KCNIP4: variants seen among roughly 807,000 people sequenced by gnomAD.
KCNIP4 encodes Kv channel-interacting protein 4.
In KCNIP4, 12 loss-of-function variants were observed where a neutral mutation model predicts 34.0. That is an observed-to-expected ratio of 0.35 (90% CI 0.23 to 0.57). The LOEUF (loss-of-function observed/expected upper bound fraction) is 0.57, where lower values mean the gene tolerates loss of function less well. Among genes scored for constraint, KCNIP4 ranks in the 20% least tolerant of loss-of-function variants. The pLI, the probability that KCNIP4 is intolerant of heterozygous loss-of-function variation, is 0.83. For synonymous variants in KCNIP4, 124 were observed against 102.2 expected (o/e 1.21, Z -1.29); for missense variants, 238 against 311.7 (o/e 0.76, Z 1.78).
At chr4:21,788,550 G>C (rs1185575637) in intron 1 of KCNIP4, among the ~76,000 whole-genome samples, 1 of 145,512 alleles carries the variant, frequency 6.9e-6, no homozygotes, top group Non-Finnish European at 1.5e-5. Flanking sequence ...TCTGCCTCAG[G>C]CAGGTCACCA....
At chr4:21,522,811 A>G (rs1224466679) in intron 1 of KCNIP4, among the ~76,000 whole-genome samples, 1 of 152,168 alleles carries the variant, frequency 6.6e-6, no homozygotes, top group Non-Finnish European at 1.5e-5. Context: ...AATGGATTAA[A>G]TAAGTTGATA....
At chr4:21,420,176 A>T (rs1368275443) in intron 1 of KCNIP4, among the ~76,000 whole-genome samples, 1 of 152,216 alleles carries the variant, frequency 6.6e-6, no homozygotes, top group Non-Finnish European at 1.5e-5. Context: ...AAATATTAGC[A>T]TTACTAAGGA....
intron 1 of KCNIP4, among the ~76,000 whole-genome samples, chr4:20,921,870 A>G (rs1421544692): frequency 6.6e-6 from 1 of 152,224 alleles, no homozygotes; most frequent in African/African-American, 2.4e-5. Context: ...TATCTCTATT[A>G]TATTTGTCAT....
chr4:21,562,929 CTT>C (rs1272251542), intron 1 of KCNIP4, among the ~76,000 whole-genome samples: 1 of 151,988 alleles, frequency 6.6e-6, no homozygotes, highest in Non-Finnish European at 1.5e-5. Flanking sequence ...CCCAAAATAT[CTT>C]TTGCAATTAT....
intron 1 of KCNIP4, among the ~76,000 whole-genome samples, chr4:21,377,430 A>G (rs1019619567): frequency 6.6e-6 from 1 of 152,216 alleles, no homozygotes; most frequent in African/African-American, 2.4e-5. Context: ...ATCATGAAAG[A>G]CACTCCTTGC....
chr4:21,207,134 A>T (rs1273976427), intron 1 of KCNIP4, among the ~76,000 whole-genome samples: 2 of 151,652 alleles, frequency 1.3e-5, no homozygotes, highest in African/African-American at 4.8e-5. Context: ...CTTGAATTTT[A>T]CAGAAAGAAG....
intron 1 of KCNIP4, among the ~76,000 whole-genome samples, chr4:21,350,006 C>T (rs1474034268): frequency 6.6e-6 from 1 of 152,116 alleles, no homozygotes; most frequent in Admixed American, 6.5e-5. Context: ...AGCCAGCTGC[C>T]TTTAACTCTA....
intron 1 of KCNIP4, among the ~76,000 whole-genome samples, chr4:21,292,673 C>A (rs955703252): frequency 6.6e-6 from 1 of 152,128 alleles, no homozygotes; most frequent in East Asian, 1.9e-4. Context: ...TACTCCCCAC[C>A]ACACAAATGC....
intron 1 of KCNIP4, among the ~76,000 whole-genome samples, chr4:20,991,883 G>C (rs1737110869): frequency 6.6e-6 from 1 of 152,050 alleles, no homozygotes; most frequent in South Asian, 2.1e-4. Flanking sequence ...TGCTGCCATA[G>C]ATATACCACT....
intron 1 of KCNIP4, among the ~76,000 whole-genome samples, chr4:20,900,621 T>C (rs998967195): frequency 6.6e-5 from 10 of 152,174 alleles, no homozygotes; most frequent in Non-Finnish European, 1.3e-4. Flanking sequence ...TTTCTGTCCC[T>C]GGGAGACAAG....
intron 1 of KCNIP4, among the ~76,000 whole-genome samples, chr4:21,395,968 C>T (rs988311741): frequency 1.3e-5 from 2 of 152,084 alleles, no homozygotes; most frequent in South Asian, 2.1e-4. Context: ...ATTTACTTTA[C>T]GTAAAGGGCT....
intron 1 of KCNIP4, among the ~76,000 whole-genome samples, chr4:21,155,430 T>G (rs1437626579): frequency 2.0e-5 from 3 of 152,194 alleles, no homozygotes; most frequent in African/African-American, 7.2e-5. Context: ...AAGAGAAGGT[T>G]GAAGTGAAGA....
chr4:21,123,084 G>C (rs1750305658), intron 1 of KCNIP4, among the ~76,000 whole-genome samples: 1 of 152,012 alleles, frequency 6.6e-6, no homozygotes, highest in South Asian at 2.1e-4. Context: ...CTTGGTGGCG[G>C]GCGCCTGTAG....
intron 1 of KCNIP4, among the ~76,000 whole-genome samples, chr4:21,148,104 T>C (rs1420050530): frequency 2.6e-5 from 4 of 152,182 alleles, no homozygotes; most frequent in African/African-American, 4.8e-5. Context: ...CTTCATGTTA[T>C]GAAAATCAGG....
chr4:20,802,024 G>T (rs1714298680), intron 3 of KCNIP4, among the ~76,000 whole-genome samples: 1 of 151,154 alleles, frequency 6.6e-6, no homozygotes, highest in South Asian at 2.1e-4. Context: ...ACTATCAGAA[G>T]AGACAAAGAA....
At chr4:21,290,721 A>C (rs1763395453) in intron 1 of KCNIP4, among the ~76,000 whole-genome samples, 1 of 152,164 alleles carries the variant, frequency 6.6e-6, no homozygotes, top group African/African-American at 2.4e-5. Context: ...GTGAGAGAGG[A>C]AACCAAGCTT....
At chr4:21,067,113 C>T (rs1268011610) in intron 1 of KCNIP4, among the ~76,000 whole-genome samples, 1 of 152,166 alleles carries the variant, frequency 6.6e-6, no homozygotes, top group Non-Finnish European at 1.5e-5. Context: ...CATTCCAGGC[C>T]TTAGCACTCA....
chr4:21,778,748 GA>G (rs2109207840), intron 1 of KCNIP4, among the ~76,000 whole-genome samples: 1 of 152,208 alleles, frequency 6.6e-6, no homozygotes, highest in South Asian at 2.1e-4. Flanking sequence ...TAGGTGATAT[GA>G]TACAAGTATA....
intron 3 of KCNIP4, among the ~76,000 whole-genome samples, chr4:20,832,726 TAAA>T (rs34577392): frequency 3.5e-5 from 5 of 142,020 alleles, no homozygotes; most frequent in African/African-American, 2.6e-5. Flanking sequence ...GCTTTTTATT[TAAA>T]AAAAAAAAAA....
Sources: allele counts gnomAD v4.1 joint callset (sites outside exome capture counted in the v4.1 genomes callset), GRCh38; gene constraint gnomAD v4.1.1; transcripts MANE v1.5; gene names NCBI Gene and HGNC (gene_info 2026-07-23, HGNC 2026-07-21).